OR2F1: variants seen among roughly 807,000 people sequenced by gnomAD.
The protein encoded by OR2F1 is olfactory receptor 2F1.
For synonymous variants in OR2F1, 146 were observed against 155.3 expected (o/e 0.94, Z 0.44); for missense variants, 389 against 378.2 (o/e 1.03, Z -0.24).
chr7:143,957,417 AC>A (rs906105463), intron 1 of OR2F1, among the ~76,000 whole-genome samples: 2 of 152,220 alleles, frequency 1.3e-5, no homozygotes, highest in Non-Finnish European at 2.9e-5. Context: ...GTTATCAGTA[AC>A]CTTTAAGTTT....
intron 1 of OR2F1, among the ~76,000 whole-genome samples, chr7:143,957,921 A>C (rs1041626807): frequency 1.3e-5 from 2 of 152,088 alleles, no homozygotes; most frequent in African/African-American, 4.8e-5. Context: ...GAGCTGTTAG[A>C]CTCTGAAGTT....
rs1035406000 is a variant in OR2F1 at position 143,957,451 on chromosome 7, G to T, written c.-179-1502G>T. 2.6e-5 allele frequency among the ~76,000 whole-genome samples: 4 copies of T among 152,234 alleles called. No homozygotes were observed. The South Asian group carries it at 8.3e-4, about 32-fold the overall frequency. On this transcript the variant is annotated intron_variant, in intron 1 of 2. Transcript: ENST00000641412. ...TTTTCAAATTCTAAAGATTAGTGAGGGTAGAAATGTTTACAGTCTCAGGAA... is the reference window on the plus strand; with the variant it reads ...TTTTCAAATTCTAAAGATTAGTGAGTGTAGAAATGTTTACAGTCTCAGGAA...
At chr7:143,956,996 A>C (rs1188847158) in intron 1 of OR2F1, among the ~76,000 whole-genome samples, 1 of 152,218 alleles carries the variant, frequency 6.6e-6, no homozygotes, top group East Asian at 1.9e-4. Flanking sequence ...AGGGAATTTC[A>C]TTCGTGGATA....
rs2050347686 is a variant in OR2F1 at position 143,963,570 on chromosome 7, C to T, written c.*2646C>T. 6.6e-6 allele frequency: 1 copy of T among 152,326 alleles called. No individual in the cohort carries two copies. Among genetic ancestry groups the T allele is most frequent in the African/African-American group, 2.4e-5 (1 of 41,426 alleles). 9.4% of individuals were successfully genotyped at this position (152,326 alleles called of 1,614,324 possible). A position where few individuals can be genotyped will look rare whatever the true frequency, so the allele number is the denominator to read the frequency against. ...TCAAAAGGTAAAGTACCACAATAGG[C>T]CTTCTGTAAGCTGAGGAGCACAGAA... On this transcript the variant is annotated 3_prime_UTR_variant, in exon 3 of 3. Coordinates refer to ENST00000641412, the MANE Select transcript of OR2F1 (RefSeq NM_012369.3).
chr7:143,957,901 T>C (rs142807754), intron 1 of OR2F1, among the ~76,000 whole-genome samples: 12 of 152,266 alleles, frequency 7.9e-5, no homozygotes, highest in African/African-American at 2.9e-4. Context: ...CACATGTGTA[T>C]CTAAAACAGG....
chr7:143,961,225 C>A lies in OR2F1; in HGVS notation c.*301C>A. The A allele has an allele frequency of 3.2e-6, 1 of 308,242 alleles. No individual in the cohort carries two copies. Among genetic ancestry groups the A allele is most frequent in the Non-Finnish European group, 6.1e-6 (1 of 164,918 alleles). 19.1% of individuals were successfully genotyped at this position (308,242 alleles called of 1,614,324 possible). ...TACTTACTGTTTTGATTTGTCATAT[C>A]GTTTGTAATGATAGACCTACTCATG... On this transcript the variant is annotated 3_prime_UTR_variant, in exon 3 of 3. Coordinates refer to ENST00000641412, the MANE Select transcript of OR2F1 (RefSeq NM_012369.3).
At chr7:143,956,108 C>T (rs546946542) in intron 1 of OR2F1, among the ~76,000 whole-genome samples, 7 of 152,158 alleles carry the variant, frequency 4.6e-5, no homozygotes, top group East Asian at 1.9e-4. Context: ...TGAATGTCAC[C>T]GGTGTAGGGA....
chr7:143,959,940 C>G lies in OR2F1; in HGVS notation c.-23-8C>G, dbSNP rs1186524726. 1 of 1,512,984 alleles carries G rather than the reference C, an allele frequency of 6.6e-7. No homozygotes were observed. Among genetic ancestry groups the G allele is most frequent in the South Asian group, 1.3e-5 (1 of 78,750 alleles). 93.7% of individuals were successfully genotyped at this position (1,512,984 alleles called of 1,614,324 possible). A position where few individuals can be genotyped will look rare whatever the true frequency, so the allele number is the denominator to read the frequency against. The stretch of plus-strand genomic sequence containing the variant: ...ACAGCTTCTGTTTTTTTCTGACTCC[C>G]TTCACAGATTAATAATCCTTGAATA... On this transcript the variant is annotated splice_polypyrimidine_tract_variant and splice_region_variant and intron_variant, in intron 2 of 2. Transcript: ENST00000641412.
chr7:143,960,619 T>C lies in OR2F1; in HGVS notation c.649T>C (p.Ser217Pro). 1.2e-6 allele frequency: 2 copies of C among 1,614,160 alleles called. No individual in the cohort carries two copies. Among genetic ancestry groups the C allele is most frequent in the Non-Finnish European group, 1.7e-6 (2 of 1,180,034 alleles). The change falls in exon 3 of 3, where the codon TCC becomes CCC. Residue 217 changes from serine (S) to proline (P), a missense_variant. Coordinates refer to ENST00000641412, the MANE Select transcript of OR2F1 (RefSeq NM_012369.3). The part of the protein sequence containing the change: ...LMTPFCLVLL[S>P]YIQIISTILK... ...GACACCCTTCTGCCTGGTTCTTTTG[T>C]CCTACATCCAGATCATCTCCACCAT...
rs1271588484 is a variant in OR2F1 at position 143,963,207 on chromosome 7, A to T, written c.*2283A>T. 6.6e-6 allele frequency: 1 copy of T among 152,224 alleles called. No individual in the cohort carries two copies. Among genetic ancestry groups the T allele is most frequent in the African/African-American group, 2.4e-5 (1 of 41,460 alleles). 9.4% of individuals were successfully genotyped at this position (152,224 alleles called of 1,614,324 possible). ...GAAGAAAGTAATCAAAAATACAAAC[A>T]TACACATAATACATCAAGGAGGAAA... On this transcript the variant is annotated 3_prime_UTR_variant, in exon 3 of 3. Transcript: ENST00000641412.
Position 143,963,177 on chromosome 7 carries a change from G to C in OR2F1, c.*2253G>C, listed in dbSNP as rs776338273. 1 of 152,200 alleles carries C rather than the reference G, an allele frequency of 6.6e-6. No homozygotes were observed. Among genetic ancestry groups the C allele is most frequent in the Admixed American group, 6.5e-5 (1 of 15,286 alleles). The allele number at this position is 152,200 out of a possible 1,614,324, so 9.4% of individuals were successfully genotyped here. ...TCTATATGAAATGGTATGGGAAAGAGATAAGAAGAAAGTAATCAAAAATAC... is the reference window on the plus strand; with the variant it reads ...TCTATATGAAATGGTATGGGAAAGACATAAGAAGAAAGTAATCAAAAATAC... On this transcript the variant is annotated 3_prime_UTR_variant, in exon 3 of 3. Transcript: ENST00000641412.
chr7:143,956,260 G>T (rs17724888), intron 1 of OR2F1, among the ~76,000 whole-genome samples: 6,357 of 152,126 alleles, frequency 0.042, 168 homozygotes, highest in African/African-American at 0.057. Context: ...TAGCTGGAAG[G>T]TGAGCCCAGA....
chr7:143,963,093 C>T lies in OR2F1; in HGVS notation c.*2169C>T, dbSNP rs2050341885. The T allele has an allele frequency of 2.0e-5, 3 of 152,226 alleles. No homozygotes were observed. The highest frequency in any genetic ancestry group is 7.2e-5 in the African/African-American group (3 of 41,454). The allele number at this position is 152,226 out of a possible 1,614,324, so 9.4% of individuals were successfully genotyped here. On this transcript the variant is annotated 3_prime_UTR_variant, in exon 3 of 3. Transcript: ENST00000641412. Reference sequence around the variant, plus strand: ...ATTCCTCTTCTAAAATGTGAGGATGCTGTCTGAACATTCTGTAAATTGTGT... The same window carrying T: ...ATTCCTCTTCTAAAATGTGAGGATGTTGTCTGAACATTCTGTAAATTGTGT...
At position 143,960,989 on chromosome 7, in the gene OR2F1, A is replaced by G; in HGVS notation, c.*65A>G. ...GTTCTCCACCCAGCTGAGATCTGACAGGTGTAAACTACATTGCCCTGGCAA... is the reference window on the plus strand; with the variant it reads ...GTTCTCCACCCAGCTGAGATCTGACGGGTGTAAACTACATTGCCCTGGCAA... On this transcript the variant is annotated 3_prime_UTR_variant, in exon 3 of 3. Coordinates refer to ENST00000641412, the MANE Select transcript of OR2F1 (RefSeq NM_012369.3). 1 of 1,274,940 alleles carries G rather than the reference A, an allele frequency of 7.8e-7. No individual in the cohort carries two copies. The highest frequency in any genetic ancestry group is 1.1e-6 in the Non-Finnish European group (1 of 904,978). 79.0% of individuals were successfully genotyped at this position (1,274,940 alleles called of 1,614,324 possible). A position where few individuals can be genotyped will look rare whatever the true frequency, so the allele number is the denominator to read the frequency against.
intron 1 of OR2F1, among the ~76,000 whole-genome samples, chr7:143,955,603 A>T (rs575892918): frequency 6.6e-6 from 1 of 152,280 alleles, no homozygotes; most frequent in Non-Finnish European, 1.5e-5. Context: ...GGTCACAGTG[A>T]TTATCCTACA....
chr7:143,955,309 T>C (rs902247125), intron 1 of OR2F1, among the ~76,000 whole-genome samples: 9 of 152,188 alleles, frequency 5.9e-5, no homozygotes, highest in Non-Finnish European at 1.0e-4. Flanking sequence ...TTTTTTCCTG[T>C]AATTTTCAGG....
chr7:143,957,792 A>C (rs2050295411), intron 1 of OR2F1, among the ~76,000 whole-genome samples: 1 of 152,124 alleles, frequency 6.6e-6, no homozygotes, highest in Non-Finnish European at 1.5e-5. Context: ...TTCATCAAGG[A>C]CCCTTCAGCT....
chr7:143,956,204 AC>A (rs977993988), intron 1 of OR2F1, among the ~76,000 whole-genome samples: 1 of 152,122 alleles, frequency 6.6e-6, no homozygotes, highest in African/African-American at 2.4e-5. Context: ...GTTACCTGAC[AC>A]CTAGTCCATT....
At position 143,960,459 on chromosome 7, in the gene OR2F1, C is replaced by A. The variant is rs774881011; in HGVS notation, c.489C>A (p.Thr163=). The change falls in exon 3 of 3, where the codon ACC becomes ACA. Residue 163 remains threonine (T), a synonymous_variant. Transcript: ENST00000641412. ...FISSPVQTAI[T]FQLPMCRNKF... ...GCTCTCCTGTGCAGACTGCTATCAC[C>A]TTTCAGCTGCCCATGTGCAGAAACA... 2.5e-6 allele frequency: 4 copies of A among 1,614,204 alleles called. No homozygotes were observed. Among genetic ancestry groups the A allele is most frequent in the African/African-American group, 2.7e-5 (2 of 75,060 alleles).
Sources: allele counts gnomAD v4.1 joint callset (sites outside exome capture counted in the v4.1 genomes callset), GRCh38; gene constraint gnomAD v4.1.1; transcripts MANE v1.5; gene names NCBI Gene and HGNC (gene_info 2026-07-23, HGNC 2026-07-21).